PFKP: variants seen among roughly 807,000 people sequenced by gnomAD.
PFKP encodes phosphofructokinase, platelet.
A neutral mutation model predicts 94.3 loss-of-function variants in PFKP; 101 were observed. The observed-to-expected ratio is 1.07, with a 90% CI of 0.91 to 1.26. The LOEUF is 1.26. PFKP is among the 50% of genes most tolerant of loss of function. PFKP has a pLI of 0.00. For synonymous variants in PFKP, 573 were observed against 432.6 expected (o/e 1.32, Z -4.03); for missense variants, 1,145 against 1,103.3 (o/e 1.04, Z -0.53).
chr10:3,080,539 A>G (rs367597617), intron 1 of PFKP, among the ~76,000 whole-genome samples: 2 of 113,578 alleles, frequency 1.8e-5, no homozygotes, highest in Admixed American at 9.9e-5. Context: ...AAAAAAAAAA[A>G]AGAGAATATT....
intron 2 of PFKP, among the ~76,000 whole-genome samples, chr10:3,083,154 A>C (rs541386927): frequency 1.3e-5 from 2 of 152,192 alleles, no homozygotes; most frequent in Non-Finnish European, 1.5e-5. Context: ...TTAATTTCCA[A>C]TGTAGGCTGA....
chr10:3,108,619 C>T, intron 8 of PFKP, 82 bp from the exon 9 acceptor site: 1 of 1,006,484 alleles, frequency 9.9e-7, no homozygotes, highest in Non-Finnish European at 1.6e-6. Flanking sequence ...AAAACCTTTT[C>T]CAGTGCCCAG....
rs201442844 is a variant in PFKP, at chr10:3,109,452, G to A, written c.1061G>A (p.Arg354His). Residue 354 changes from arginine to histidine, a missense_variant, in exon 10 of 22, where the codon CGC becomes CAC. Transcript: ENST00000381125. ...VVSLNGNHAV[R>H]LPLMECVQMT... The stretch of plus-strand genomic sequence containing the variant: ...TCACTGAACGGGAACCACGCCGTGC[G>A]CCTGCCGCTGATGGAGTGCGTGCAG... 61 of 1,605,514 alleles carry A rather than the reference G, an allele frequency of 3.8e-5. No individual in the cohort carries two copies. The highest frequency in any genetic ancestry group is 4.4e-5 in the South Asian group (4 of 91,000).
intron 15 of PFKP, 84 bp from the exon 16 acceptor site, chr10:3,119,808 A>AG: frequency 8.1e-7 from 1 of 1,230,880 alleles, no homozygotes; most frequent in Non-Finnish European, 1.2e-6. Context: ...GCTGTGGTGG[A>AG]GGTGGCGCTC....
At chr10:3,087,737 GCACCCTCCC>G (rs1833709688) in intron 2 of PFKP, among the ~76,000 whole-genome samples, 1 of 151,982 alleles carries the variant, frequency 6.6e-6, no homozygotes, top group South Asian at 2.1e-4. Flanking sequence ...TTCCTCTCTG[GCACCCTCCC>G]CACCTGCCCC....
chr10:3,110,039 A>AC (rs1458996940), intron 10 of PFKP, among the ~76,000 whole-genome samples: 31 of 152,108 alleles, frequency 2.0e-4, no homozygotes, highest in Admixed American at 1.6e-3. Flanking sequence ...CTGTGATGGG[A>AC]CACAGGGAAA....
chr10:3,109,822 A>T (rs1393877841), intron 10 of PFKP, among the ~76,000 whole-genome samples: 1 of 151,980 alleles, frequency 6.6e-6, no homozygotes, highest in East Asian at 1.9e-4. Flanking sequence ...GACAGAGTGC[A>T]GGGAGGCAGC....
intron 10 of PFKP, among the ~76,000 whole-genome samples, chr10:3,110,826 ATGTATG>A (rs1564317710): frequency 6.6e-6 from 1 of 151,610 alleles, no homozygotes; most frequent in Non-Finnish European, 1.5e-5. Flanking sequence ...TTGGGTCTGC[ATGTATG>A]TGTATGTTTA....
In PFKP at chr10:3,135,821, G is replaced by C; in HGVS notation, c.2208G>C (p.Lys736Asn). 6.2e-7 allele frequency: 1 copy of C among 1,611,600 alleles called. No individual in the cohort carries two copies. The highest frequency in any genetic ancestry group is 8.5e-7 in the Non-Finnish European group (1 of 1,177,742). ...NVIFQPVAEL[K>N]KQTDFEHRIP... ...TTTTTCAACCTGTGGCAGAGCTGAA[G>C]AAGCAAACGGATTTTGAGTAAGTTG... The change falls in exon 21 of 22, where the codon AAG becomes AAC. Residue 736 changes from lysine (K) to asparagine (N), a missense_variant. By Grantham distance (94) the Lys-to-Asn change is moderately conservative. Transcript: ENST00000381125.
At position 3,069,309 on chromosome 10, in the gene PFKP, A is replaced by G. The variant is rs983450029; in HGVS notation, c.112+1602A>G. On this transcript the variant is annotated intron_variant, in intron 1 of 21. Coordinates refer to ENST00000381125, the MANE Select transcript of PFKP (RefSeq NM_002627.5). ...TCAGAGAAAGAAAACGTGATGCAGC[A>G]GAGGATGGGATTGAAGAAACAGGAG... 15 of 1,546,056 alleles carry G rather than the reference A, an allele frequency of 9.7e-6. No individual in the cohort carries two copies. In the African/African-American group the frequency reaches 1.6e-4, roughly 17 times the overall value.
intron 16 of PFKP, among the ~76,000 whole-genome samples, chr10:3,120,369 C>CTTTGTGTG (rs148428194): frequency 0.021 from 2,253 of 108,558 alleles, 49 homozygotes; most frequent in African/African-American, 0.059. Context: ...TTAAAAATCG[C>CTTTGTGTG]TGTGTGTGTG....
At chr10:3,119,762 GAGTGTTT>G in intron 15 of PFKP, 123 bp from the exon 16 acceptor site, 1 of 664,010 alleles carries the variant, frequency 1.5e-6, no homozygotes, top group Non-Finnish European at 2.6e-6. Flanking sequence ...GTTGATCTCG[GAGTGTTT>G]TCGTGATGCC....
At chr10:3,074,174 AAC>A (rs1298271522) in intron 1 of PFKP, among the ~76,000 whole-genome samples, 1 of 152,186 alleles carries the variant, frequency 6.6e-6, no homozygotes, top group Non-Finnish European at 1.5e-5. Flanking sequence ...TGTGCATGTT[AAC>A]AGACTGCCTT....
chr10:3,088,838 C>CT (rs531887288), intron 2 of PFKP, among the ~76,000 whole-genome samples: 82 of 152,108 alleles, frequency 5.4e-4, no homozygotes, highest in Admixed American at 2.4e-3. Context: ...TTCCATACCT[C>CT]TGATAATTGC....
At chr10:3,092,440 A>G (rs1834119408) in intron 2 of PFKP, among the ~76,000 whole-genome samples, 1 of 151,916 alleles carries the variant, frequency 6.6e-6, no homozygotes, top group African/African-American at 2.4e-5. Flanking sequence ...CTTAGATAGG[A>G]GTAGGTTCCA....
intron 7 of PFKP, 83 bp from the exon 8 acceptor site, chr10:3,107,131 G>A: frequency 1.2e-6 from 1 of 853,432 alleles, no homozygotes; most frequent in Non-Finnish European, 2.0e-6. Flanking sequence ...AGTTCAGTTT[G>A]AGACAGACTT....
intron 2 of PFKP, among the ~76,000 whole-genome samples, chr10:3,094,112 C>G (rs1193914174): frequency 6.6e-6 from 1 of 152,160 alleles, no homozygotes; most frequent in African/African-American, 2.4e-5. Context: ...CCTTCACCAC[C>G]ACCTCCCCAC....
intron 4 of PFKP, 85 bp from the exon 5 acceptor site, chr10:3,103,694 G>A (rs1321921265): frequency 1.3e-5 from 17 of 1,331,960 alleles, no homozygotes; most frequent in African/African-American, 1.4e-5. Context: ...CTCTACCCAT[G>A]GCCATTCTGC....
intron 17 of PFKP, among the ~76,000 whole-genome samples, chr10:3,131,154 C>T (rs1173974186): frequency 6.6e-6 from 1 of 151,912 alleles, no homozygotes; most frequent in Non-Finnish European, 1.5e-5. Context: ...ATATGTATCT[C>T]TTACTGTGCT....
Sources: gnomAD v4.1 joint callset for allele counts (sites outside exome capture counted in the v4.1 genomes callset) on GRCh38, gnomAD v4.1.1 for gene constraint, MANE v1.5 for transcripts, NCBI Gene and HGNC (gene_info 2026-07-23, HGNC 2026-07-21) for gene names.